Variants in DHX9 observed in about 807,000 individuals in gnomAD.
DHX9 encodes ATP-dependent RNA helicase A.
A neutral mutation model predicts 148.7 loss-of-function variants in DHX9; 27 were observed. The observed-to-expected ratio is 0.18, with a 90% confidence interval of 0.13 to 0.25. The LOEUF (loss-of-function observed/expected upper bound fraction) is 0.25, where lower values mean the gene tolerates loss of function less well. DHX9 is among the 10% of genes least tolerant of loss of function. The pLI is 1.00. For missense variants in DHX9, 796 were observed against 1,559.6 expected, an observed-to-expected ratio of 0.51 and a Z score of 8.25; for synonymous variants, 529 against 516.6, an observed-to-expected ratio of 1.02 and a Z score of -0.33.
intron 1 of DHX9, among the ~76,000 whole-genome samples, chr1:182,840,771 G>A (rs1053001411): frequency 3.3e-5 from 5 of 152,132 alleles, no homozygotes; most frequent in East Asian, 1.9e-4. Context: ...CACATTAAGG[G>A]TTCTACAAGG....
chr1:182,873,171 C>T (rs1301812174), intron 15 of DHX9, among the ~76,000 whole-genome samples: 1 of 152,086 alleles, frequency 6.6e-6, no homozygotes, highest in Admixed American at 6.6e-5. Context: ...GCCCAAGCTG[C>T]TCTCAAACTC....
intron 3 of DHX9, among the ~76,000 whole-genome samples, chr1:182,848,042 C>T (rs1389779969): frequency 4.6e-5 from 7 of 152,050 alleles, no homozygotes; most frequent in Non-Finnish European, 5.9e-5. Flanking sequence ...TCCTTATTTC[C>T]TCTGTTCCAG....
At position 182,872,025 on chromosome 1, in the gene DHX9, C is replaced by G. The variant is rs566793209; in HGVS notation, c.1558-312C>G. On this transcript the variant is annotated intron_variant, in intron 14 of 27. Transcript: ENST00000367549. ...TTCTCCATGTTGGTCAGGCTGGTCTCGAACTCCCGACCTCAGATTATCTGC... is the reference window on the plus strand; with the variant it reads ...TTCTCCATGTTGGTCAGGCTGGTCTGGAACTCCCGACCTCAGATTATCTGC... Among the ~76,000 whole-genome samples, 11 of 152,262 alleles carry G rather than the reference C, an allele frequency of 7.2e-5. No homozygotes were observed. The South Asian group carries it at 2.1e-3, about 29-fold the overall frequency.
chr1:182,885,521 AC>A (rs1344184274), intron 27 of DHX9, among the ~76,000 whole-genome samples: 1 of 152,206 alleles, frequency 6.6e-6, no homozygotes, highest in Non-Finnish European at 1.5e-5. Context: ...CCACAATCAC[AC>A]CCCAAAACCT....
chr1:182,878,196 A>C (rs1455332217), intron 20 of DHX9, 23 bp downstream of exon 20: 1 of 1,613,004 alleles, frequency 6.2e-7, no homozygotes, highest in African/African-American at 1.3e-5. Flanking sequence ...CTTGACCTTT[A>C]GTAAGGGATT....
At position 182,876,301 on chromosome 1, in the gene DHX9, A is replaced by G. The variant is rs778053418; in HGVS notation, c.2029+38A>G. ...GAATTCTCACATATTTGAGAGTGAAAATGAATGTTTTTGCTAGTGCCTTAG... is the reference window on the plus strand; with the variant it reads ...GAATTCTCACATATTTGAGAGTGAAGATGAATGTTTTTGCTAGTGCCTTAG... On this transcript the variant is annotated intron_variant, in intron 17 of 27. Coordinates refer to ENST00000367549, the MANE Select transcript of DHX9 (RefSeq NM_001357.5). The G allele has an allele frequency of 8.1e-6, 13 of 1,605,236 alleles. No individual in the cohort carries two copies. In the South Asian group the frequency reaches 1.4e-4, roughly 18 times the overall value.
intron 22 of DHX9, 107 bp from the exon 23 acceptor site, chr1:182,881,154 AAGT>A (rs1430474105): frequency 1.8e-6 from 2 of 1,107,826 alleles, no homozygotes; most frequent in South Asian, 1.8e-5. Context: ...TTGCAAATAA[AAGT>A]AGAATCATAG....
intron 21 of DHX9, 79 bp from the exon 22 acceptor site, chr1:182,880,418 C>G (rs1649034553): frequency 1.1e-6 from 1 of 944,874 alleles, no homozygotes. Context: ...ACTGTCTTAA[C>G]CTTAATTTAG....
At chr1:182,879,003 A>AT (rs1330393548) in intron 20 of DHX9, among the ~76,000 whole-genome samples, 1 of 152,170 alleles carries the variant, frequency 6.6e-6, no homozygotes, top group Non-Finnish European at 1.5e-5. Context: ...ATTTTGGATA[A>AT]TTTTTTCATT....
At chr1:182,875,444 A>T (rs1648717047) in intron 16 of DHX9, among the ~76,000 whole-genome samples, 1 of 152,188 alleles carries the variant, frequency 6.6e-6, no homozygotes, top group South Asian at 2.1e-4. Flanking sequence ...TGACATTATC[A>T]GGTGGACAGA....
intron 3 of DHX9, among the ~76,000 whole-genome samples, chr1:182,849,633 A>G (rs1668095405): frequency 6.6e-6 from 1 of 152,198 alleles, no homozygotes; most frequent in Non-Finnish European, 1.5e-5. Flanking sequence ...TTGAAATGTC[A>G]GTGGTGCTAA....
chr1:182,879,544 T>C, intron 21 of DHX9, 134 bp downstream of exon 21: 1 of 749,216 alleles, frequency 1.3e-6, no homozygotes, highest in Non-Finnish European at 1.9e-6. Context: ...TAGTAAGGCC[T>C]CCAGTCTTAC....
intron 14 of DHX9, among the ~76,000 whole-genome samples, chr1:182,871,240 T>G (rs1301052134): frequency 6.6e-6 from 1 of 152,134 alleles, no homozygotes; most frequent in East Asian, 1.9e-4. Context: ...AATACAGGCA[T>G]TTTATAGAAG....
At chr1:182,844,017 C>T (rs964883180) in intron 3 of DHX9, among the ~76,000 whole-genome samples, 19 of 152,152 alleles carry the variant, frequency 1.2e-4, no homozygotes, top group Admixed American at 2.0e-4. Context: ...GGAGTGATCT[C>T]GGCTCACTGC....
chr1:182,883,196 T>C lies in DHX9; in HGVS notation c.2972T>C (p.Val991Ala). 6.2e-7 allele frequency: 1 copy of C among 1,614,174 alleles called. No homozygotes were observed. The highest frequency in any genetic ancestry group is 8.5e-7 in the Non-Finnish European group (1 of 1,180,006). The change falls in exon 25 of 28, where the codon GTT becomes GCT. Residue 991 changes from valine to alanine, a missense_variant. By Grantham distance (64) the Val-to-Ala change is moderately conservative. This residue lies in a region of DHX9 where 122 missense variants were observed against 289.3 expected (regional missense o/e 0.42). Coordinates refer to ENST00000367549, the MANE Select transcript of DHX9 (RefSeq NM_001357.5). The part of the protein sequence containing the change: ...NTGPDNNLDV[V>A]ISLLAFGVYP... The stretch of plus-strand genomic sequence containing the variant: ...GGACCAGATAATAATTTGGATGTTG[T>C]TATCTCCCTCCTGGCCTTTGGTGTG...
chr1:182,846,562 T>G (rs1362477203), intron 3 of DHX9, among the ~76,000 whole-genome samples: 1 of 152,240 alleles, frequency 6.6e-6, no homozygotes, highest in Non-Finnish European at 1.5e-5. Context: ...AAAGATAATA[T>G]GACACTGTCT....
intron 3 of DHX9, among the ~76,000 whole-genome samples, chr1:182,846,298 C>T (rs1323687742): frequency 2.0e-5 from 3 of 150,540 alleles, no homozygotes; most frequent in African/African-American, 7.4e-5. Flanking sequence ...AGTGCAGTGG[C>T]ATGATCTCGG....
chr1:182,875,106 A>G, intron 16 of DHX9, 152 bp downstream of exon 16: 2 of 704,284 alleles, frequency 2.8e-6, no homozygotes, highest in Non-Finnish European at 5.1e-6. Context: ...GATGTATTTT[A>G]CTGCAAAAAA....
chr1:182,884,857 G>T (rs747861577), intron 27 of DHX9, 44 bp downstream of exon 27: 101 of 1,589,698 alleles, frequency 6.4e-5, no homozygotes, highest in Non-Finnish European at 8.1e-5. Flanking sequence ...AGAGGGGAGA[G>T]ATCTTATGTA....
Sources: gnomAD v4.1 joint callset for allele counts (sites outside exome capture counted in the v4.1 genomes callset) on GRCh38, gnomAD v4.1.1 for gene constraint, gnomAD v4.1.1 regional missense constraint, MANE v1.5 for transcripts, NCBI Gene and HGNC (gene_info 2026-07-23, HGNC 2026-07-21) for gene names.